Variants in PKNOX2 observed in about 807,000 individuals in gnomAD.
PKNOX2 encodes the protein homeobox protein PKNOX2.
A neutral mutation model predicts 53.1 loss-of-function variants in PKNOX2; 14 were observed. That is an observed-to-expected ratio of 0.26 (90% CI 0.17 to 0.41). The LOEUF (loss-of-function observed/expected upper bound fraction) is 0.41. PKNOX2 is among the 10% of genes least tolerant of loss of function. PKNOX2 has a pLI of 1.00. For synonymous variants in PKNOX2, 257 were observed against 242.8 expected (o/e 1.06, Z -0.54); for missense variants, 496 against 602.8 (o/e 0.82, Z 1.85).
chr11:125,378,953 C>T (rs117295122), intron 5 of PKNOX2, among the ~76,000 whole-genome samples: 531 of 151,514 alleles, frequency 3.5e-3, no homozygotes, highest in Non-Finnish European at 6.0e-3. Context: ...CTACTCCTCC[C>T]CTAAGAAGGA....
rs1955233374 is a variant in PKNOX2 at position 125,408,199 on chromosome 11, C to G, written c.589-1997C>G. On this transcript the variant is annotated intron_variant, in intron 7 of 12. Transcript: ENST00000298282. Reference sequence around the variant, plus strand: ...TCCCAGGCATCTCTAAACCTCAGTGCCTTATTTGTACTTCAGGGAGGGGAA... The same window carrying G: ...TCCCAGGCATCTCTAAACCTCAGTGGCTTATTTGTACTTCAGGGAGGGGAA... Among the ~76,000 whole-genome samples, 4 of 152,198 alleles carry G rather than the reference C, an allele frequency of 2.6e-5. 1 individual carries two copies. The South Asian group carries it at 8.3e-4, about 32-fold the overall frequency.
intron 2 of PKNOX2, chr11:125,239,975 G>A (rs1279521976): frequency 6.6e-6 from 1 of 152,250 alleles, no homozygotes; most frequent in African/African-American, 2.4e-5. Flanking sequence ...TTTTTGTGGA[G>A]TGGTAAAAAA....
intron 1 of PKNOX2, among the ~76,000 whole-genome samples, chr11:125,210,972 CAT>C (rs1312120822): frequency 6.6e-6 from 1 of 152,124 alleles, no homozygotes; most frequent in Non-Finnish European, 1.5e-5. Flanking sequence ...TTATCCATAA[CAT>C]GTGAATAATA....
At chr11:125,202,835 T>C (rs1475170872) in intron 1 of PKNOX2, among the ~76,000 whole-genome samples, 2 of 152,190 alleles carry the variant, frequency 1.3e-5, no homozygotes, top group African/African-American at 2.4e-5. Context: ...TTTTTCTTTT[T>C]AGAGATGGGC....
intron 7 of PKNOX2, among the ~76,000 whole-genome samples, chr11:125,406,814 C>T (rs1955130546): frequency 6.7e-6 from 1 of 150,002 alleles, no homozygotes; most frequent in Non-Finnish European, 1.5e-5. Context: ...CTCTCATACT[C>T]AGCGTGTACG....
rs61917763 is a variant in PKNOX2, at chr11:125,257,453, G to T, written c.-130+22338G>T. On this transcript the variant is annotated intron_variant, in intron 2 of 12. Transcript: ENST00000298282. ...CTGGAGGCTGTTTTCAAGACCTGCA[G>T]GATCCCAGTAGGATACCTCCATGTT... is the stretch of plus-strand genomic sequence containing the variant. 3.0e-3 allele frequency among the ~76,000 whole-genome samples: 451 copies of T among 152,290 alleles called. 3 individuals are homozygous for T. The Middle Eastern group carries it at 0.044, about 15-fold the overall frequency.
At chr11:125,191,991 C>T (rs1172200567) in intron 1 of PKNOX2, among the ~76,000 whole-genome samples, 4 of 152,056 alleles carry the variant, frequency 2.6e-5, no homozygotes, top group Admixed American at 2.6e-4. Context: ...GGTAATTGTG[C>T]ATTACATGGC....
At chr11:125,216,793 G>T (rs1237530445) in intron 1 of PKNOX2, among the ~76,000 whole-genome samples, 2 of 152,110 alleles carry the variant, frequency 1.3e-5, no homozygotes, top group East Asian at 1.9e-4. Flanking sequence ...TCAGTCAGGG[G>T]CTAGTAACAG....
chr11:125,207,617 G>A (rs1378231428), intron 1 of PKNOX2, among the ~76,000 whole-genome samples: 2 of 152,076 alleles, frequency 1.3e-5, no homozygotes, highest in Non-Finnish European at 2.9e-5. Flanking sequence ...CTGAAACAAG[G>A]ACCAAAATAT....
intron 3 of PKNOX2, among the ~76,000 whole-genome samples, chr11:125,342,745 A>T (rs1264009546): frequency 6.7e-6 from 1 of 149,398 alleles, no homozygotes; most frequent in Non-Finnish European, 1.5e-5. Flanking sequence ...GTGTGTGCAG[A>T]CGAGAGAGCA....
intron 4 of PKNOX2, among the ~76,000 whole-genome samples, chr11:125,354,923 C>T (rs991890512): frequency 3.9e-5 from 6 of 152,086 alleles, no homozygotes; most frequent in East Asian, 1.9e-4. Context: ...TTTGTAAGGC[C>T]GCCACACTCT....
intron 2 of PKNOX2, among the ~76,000 whole-genome samples, chr11:125,282,594 G>A (rs1946636326): frequency 6.6e-6 from 1 of 152,206 alleles, no homozygotes; most frequent in Non-Finnish European, 1.5e-5. Flanking sequence ...ACCACACGTT[G>A]AAAAGCACTG....
chr11:125,329,460 A>T (rs1373162960), intron 2 of PKNOX2, among the ~76,000 whole-genome samples: 1 of 152,268 alleles, frequency 6.6e-6, no homozygotes, highest in Non-Finnish European at 1.5e-5. Flanking sequence ...GATATTACAC[A>T]TGAAAGTACT....
At position 125,219,692 on chromosome 11, in the gene PKNOX2, T is replaced by G. The variant is rs553792776; in HGVS notation, c.-200-15353T>G. 1.2e-4 allele frequency among the ~76,000 whole-genome samples: 18 copies of G among 152,296 alleles called. 1 individual carries two copies. Among genetic ancestry groups the G allele is most frequent in the African/African-American group, 4.1e-4 (17 of 41,556 alleles). On this transcript the variant is annotated intron_variant, in intron 1 of 12. Coordinates refer to ENST00000298282, the MANE Select transcript of PKNOX2 (RefSeq NM_001382323.2). ...TTGCACATAGTAAGAGAAATGCAAA[T>G]TAAAACTATCCTGGGATACCATTAT...
chr11:125,418,087 A>G lies in PKNOX2; in HGVS notation c.936+6222A>G, dbSNP rs112884555. ...TTTACAGAGTTGTGCAATCATCACCACCATCTAATTCCAGAATATTTTCAT... is the reference window on the plus strand; with the variant it reads ...TTTACAGAGTTGTGCAATCATCACCGCCATCTAATTCCAGAATATTTTCAT... On this transcript the variant is annotated intron_variant, in intron 10 of 12. Transcript: ENST00000298282. Among the ~76,000 whole-genome samples, 1,096 of 152,114 alleles carry G rather than the reference A, an allele frequency of 7.2e-3. 35 individuals are homozygous for G. The highest frequency in any genetic ancestry group is 0.021 in the African/African-American group (885 of 41,352).
At chr11:125,358,036 A>G (rs559116529) in intron 4 of PKNOX2, among the ~76,000 whole-genome samples, 1 of 151,946 alleles carries the variant, frequency 6.6e-6, no homozygotes, top group East Asian at 1.9e-4. Flanking sequence ...AATGAGAATA[A>G]CTCTGCCCTC....
intron 4 of PKNOX2, 84 bp from the exon 5 acceptor site, chr11:125,367,762 G>C (rs1952267470): frequency 6.7e-7 from 1 of 1,481,744 alleles, no homozygotes; most frequent in Non-Finnish European, 9.1e-7. Flanking sequence ...GCACAGCACA[G>C]GCCAAGGCGG....
At chr11:125,273,647 G>A (rs1945966087) in intron 2 of PKNOX2, among the ~76,000 whole-genome samples, 1 of 152,156 alleles carries the variant, frequency 6.6e-6, no homozygotes, top group African/African-American at 2.4e-5. Flanking sequence ...CTAGGAGTTA[G>A]GAGGCCTGGG....
chr11:125,204,560 G>A (rs567061235), intron 1 of PKNOX2, among the ~76,000 whole-genome samples: 2 of 152,170 alleles, frequency 1.3e-5, no homozygotes, highest in South Asian at 4.1e-4. Flanking sequence ...CAGTTTGCCT[G>A]GGACTCTCCT....
Sources: allele counts gnomAD v4.1 joint callset (sites outside exome capture counted in the v4.1 genomes callset), GRCh38; gene constraint gnomAD v4.1.1; transcripts MANE v1.5; gene names NCBI Gene and HGNC (gene_info 2026-07-23, HGNC 2026-07-21).